CXCL17: variants seen among roughly 807,000 people sequenced by gnomAD.
CXCL17 encodes C-X-C motif chemokine ligand 17.
A neutral mutation model predicts 15.5 loss-of-function variants in CXCL17; 9 were observed. The ratio of observed to expected loss-of-function variants is 0.58; its 90% CI spans 0.35 to 1.01. CXCL17 has a LOEUF of 1.01. Ranked by LOEUF, CXCL17 falls within the 50% of genes least tolerant of loss-of-function variation. The probability of loss-of-function intolerance (pLI) is 0.02; values close to 1 mark genes in which losing one functional copy is unlikely to be tolerated. For synonymous variants in CXCL17, 52 were observed against 52.3 expected (o/e 0.99, Z 0.02); for missense variants, 133 against 138.2 (o/e 0.96, Z 0.19).
chr19:42,432,276 C>T (rs2040790922), intron 3 of CXCL17, among the ~76,000 whole-genome samples: 1 of 151,392 alleles, frequency 6.6e-6, no homozygotes, highest in Non-Finnish European at 1.5e-5. Context: ...TCCCGAGTAG[C>T]TGGGATTACA....
intron 1 of CXCL17, among the ~76,000 whole-genome samples, chr19:42,434,736 G>A: frequency 6.6e-6 from 1 of 152,054 alleles, no homozygotes; most frequent in Non-Finnish European, 1.5e-5. Flanking sequence ...ACCCCAAGTA[G>A]CTGTATTTGA....
At chr19:42,437,637 AT>A (rs2040846641) in intron 1 of CXCL17, among the ~76,000 whole-genome samples, 1 of 152,214 alleles carries the variant, frequency 6.6e-6, no homozygotes, top group African/African-American at 2.4e-5. Flanking sequence ...TGTTGAGTAC[AT>A]GATGGTTATC....
Position 42,433,054 on chromosome 19 carries a change from T to G in CXCL17, c.184A>C (p.Arg62=), listed in dbSNP as rs1483187259. 1.2e-6 allele frequency: 2 copies of G among 1,613,942 alleles called. No individual in the cohort carries two copies. Among genetic ancestry groups the G allele is most frequent in the Admixed American group, 3.3e-5 (2 of 59,954 alleles). The change falls in exon 3 of 4, where the codon AGA becomes CGA. Residue 62 remains arginine (R), a synonymous_variant. Transcript: ENST00000601181. ...AGCCCAGACACTGTCATGAATTTTC[T>G]TCTCGGGGCTCTCAGGAACCAATCT... ...CKDWFLRAPR[R]KFMTVSGLPK... is the part of the protein sequence containing the mutation.
At chr19:42,433,445 A>G (rs889549763) in intron 2 of CXCL17, among the ~76,000 whole-genome samples, 1 of 152,178 alleles carries the variant, frequency 6.6e-6, no homozygotes, top group African/African-American at 2.4e-5. Context: ...CCTGTGAGTA[A>G]AATAAGGCTG....
intron 1 of CXCL17, among the ~76,000 whole-genome samples, chr19:42,440,319 T>C (rs1290692684): frequency 3.9e-5 from 6 of 152,218 alleles, no homozygotes; most frequent in Non-Finnish European, 8.8e-5. Flanking sequence ...GAAAAGCATA[T>C]TGAGCATGTA....
At chr19:42,440,104 C>T (rs1343711330) in intron 1 of CXCL17, among the ~76,000 whole-genome samples, 1 of 151,916 alleles carries the variant, frequency 6.6e-6, no homozygotes, top group Admixed American at 6.6e-5. Flanking sequence ...GTAAGAAATG[C>T]ATTAGATTTG....
chr19:42,430,467 C>T (rs1055357651), intron 3 of CXCL17, among the ~76,000 whole-genome samples: 1 of 151,366 alleles, frequency 6.6e-6, no homozygotes, highest in African/African-American at 2.4e-5. Flanking sequence ...GGTGGCGCAT[C>T]CCTGTAATCC....
Position 42,433,039 on chromosome 19 carries a change from C to T in CXCL17, c.199G>A (p.Val67Met), listed in dbSNP as rs1568620238. 1.9e-6 allele frequency: 3 copies of T among 1,614,152 alleles called. No homozygotes were observed. The highest frequency in any genetic ancestry group is 2.5e-6 in the Non-Finnish European group (3 of 1,180,014). The part of the protein sequence containing the change: ...LRAPRRKFMT[V>M]SGLPKKQCPC... ...CACTGCTTCTTTGGCAGCCCAGACACTGTCATGAATTTTCTTCTCGGGGCT... is the reference window on the plus strand; with the variant it reads ...CACTGCTTCTTTGGCAGCCCAGACATTGTCATGAATTTTCTTCTCGGGGCT... Residue 67 changes from valine (V) to methionine (M), a missense_variant, in exon 3 of 4, where the codon GTG (valine) becomes ATG (methionine). Coordinates refer to ENST00000601181, the MANE Select transcript of CXCL17 (RefSeq NM_198477.3).
At chr19:42,439,948 A>G (rs1459229793) in intron 1 of CXCL17, among the ~76,000 whole-genome samples, 7 of 152,346 alleles carry the variant, frequency 4.6e-5, no homozygotes, top group African/African-American at 1.7e-4. Flanking sequence ...ATTAGTTAAT[A>G]TTATGGTATC....
At chr19:42,439,638 A>G (rs903588748) in intron 1 of CXCL17, among the ~76,000 whole-genome samples, 1 of 152,206 alleles carries the variant, frequency 6.6e-6, no homozygotes, top group Non-Finnish European at 1.5e-5. Flanking sequence ...AGAGATATCG[A>G]CATCCTGGGG....
At chr19:42,438,269 A>G (rs991735443) in intron 1 of CXCL17, among the ~76,000 whole-genome samples, 2 of 142,810 alleles carry the variant, frequency 1.4e-5, no homozygotes, top group Non-Finnish European at 3.0e-5. Context: ...GAGGCAGGAG[A>G]ATGGTGTGAA....
At chr19:42,442,652 C>T in intron 1 of CXCL17, 102 bp downstream of exon 1, 6 of 787,570 alleles carry the variant, frequency 7.6e-6, no homozygotes, top group Non-Finnish European at 1.3e-5. Flanking sequence ...GGCTCACTTG[C>T]CCCATCCCCC....
rs1449958976 is a variant in CXCL17, at chr19:42,428,676, G to C, written c.*208C>G. On this transcript the variant is annotated 3_prime_UTR_variant, in exon 4 of 4. Coordinates refer to ENST00000601181, the MANE Select transcript of CXCL17 (RefSeq NM_198477.3). ...TAAGCCTAAGCCTGGGTAAGGGGAG[G>C]GCACAGGCTAAGACTGACGAGAGAA... The C allele has an allele frequency of 2.0e-6, 1 of 494,280 alleles. No individual in the cohort carries two copies. The highest frequency in any genetic ancestry group is 3.6e-6 in the Non-Finnish European group (1 of 277,088). 30.6% of individuals were successfully genotyped at this position (494,280 alleles called of 1,614,324 possible). A position where few individuals can be genotyped will look rare whatever the true frequency, so the allele number is the denominator to read the frequency against.
chr19:42,437,291 C>T (rs998189650), intron 1 of CXCL17, among the ~76,000 whole-genome samples: 1 of 152,116 alleles, frequency 6.6e-6, no homozygotes, highest in Non-Finnish European at 1.5e-5. Flanking sequence ...TCATCCTATG[C>T]AATATTATCT....
chr19:42,437,946 G>A lies in CXCL17; in HGVS notation c.80-4090C>T, dbSNP rs74394435. 1.1e-3 allele frequency among the ~76,000 whole-genome samples: 168 copies of A among 152,142 alleles called. 1 individual carries two copies. Among genetic ancestry groups the A allele is most frequent in the Non-Finnish European group, 2.0e-3 (134 of 67,996 alleles). On this transcript the variant is annotated intron_variant, in intron 1 of 3. Coordinates refer to ENST00000601181, the MANE Select transcript of CXCL17 (RefSeq NM_198477.3). ...TTCCAAGACCCCCAAGATACTTCAA[G>A]TCTCAGATAGTACCAAACCCTATAT...
intron 1 of CXCL17, among the ~76,000 whole-genome samples, chr19:42,441,747 C>T (rs1025415613): frequency 3.4e-4 from 51 of 152,068 alleles, no homozygotes; most frequent in African/African-American, 1.2e-3. Context: ...TGCTCACAAG[C>T]GGAAATATAC....
chr19:42,436,567 A>T (rs2040836413), intron 1 of CXCL17, among the ~76,000 whole-genome samples: 1 of 152,090 alleles, frequency 6.6e-6, no homozygotes, highest in Admixed American at 6.5e-5. Context: ...ATTCTTACCA[A>T]CTGTTGGTAT....
At chr19:42,433,124 A>T in intron 2 of CXCL17, 47 bp from the exon 3 acceptor site, 1 of 1,365,348 alleles carries the variant, frequency 7.3e-7, no homozygotes, top group South Asian at 1.2e-5. Context: ...AATACATTTG[A>T]TAGGAGGGAG....
At chr19:42,439,393 G>T (rs998553741) in intron 1 of CXCL17, among the ~76,000 whole-genome samples, 1 of 151,496 alleles carries the variant, frequency 6.6e-6, no homozygotes, top group Non-Finnish European at 1.5e-5. Flanking sequence ...TTCTTTATAG[G>T]AAACAATCAT....
Sources: allele counts gnomAD v4.1 joint callset (sites outside exome capture counted in the v4.1 genomes callset), GRCh38; gene constraint gnomAD v4.1.1; transcripts MANE v1.5; gene names NCBI Gene and HGNC (gene_info 2026-07-23, HGNC 2026-07-21).